PALS1: variants seen among roughly 807,000 people sequenced by gnomAD.
The protein encoded by PALS1 is protein associated with LIN7 1, MAGUK p55 family member.
PALS1 carries 31 observed loss-of-function variants against 78.9 expected under a neutral mutation model. The observed-to-expected ratio is 0.39, with a 90% confidence interval of 0.30 to 0.53. The LOEUF (loss-of-function observed/expected upper bound fraction) is 0.53, where lower values mean the gene tolerates loss of function less well. Ranked by LOEUF, PALS1 falls within the 20% of genes least tolerant of loss-of-function variation. PALS1 has a pLI of 0.67. For missense variants in PALS1, 704 were observed against 826.5 expected (o/e 0.85, Z 1.82); for synonymous variants, 276 against 270.9 (o/e 1.02, Z -0.18).
chr14:67,292,825 A>G (rs2084795406), intron 4 of PALS1, 106 bp downstream of exon 4: 1 of 776,722 alleles, frequency 1.3e-6, no homozygotes. Flanking sequence ...GTTTGAATTA[A>G]TTACTGTTAA....
At chr14:67,300,419 C>T (rs753489405) in intron 4 of PALS1, among the ~76,000 whole-genome samples, 2 of 151,338 alleles carry the variant, frequency 1.3e-5, no homozygotes, top group African/African-American at 2.4e-5. Context: ...CCTCTACCTC[C>T]TGGGTTCAAG....
At chr14:67,286,969 G>A (rs1168449653) in intron 3 of PALS1, among the ~76,000 whole-genome samples, 6 of 152,026 alleles carry the variant, frequency 3.9e-5, no homozygotes, top group African/African-American at 1.4e-4. Flanking sequence ...TGTAATCTCA[G>A]CACTTTGGGA....
chr14:67,323,451 C>T (rs1417077759), intron 13 of PALS1, among the ~76,000 whole-genome samples: 1 of 151,380 alleles, frequency 6.6e-6, no homozygotes. Context: ...CCTGTCTCTA[C>T]AAAAAAGTAA....
At chr14:67,260,037 ACTATTACT>A (rs1157808643) in intron 1 of PALS1, among the ~76,000 whole-genome samples, 1 of 152,206 alleles carries the variant, frequency 6.6e-6, no homozygotes, top group Non-Finnish European at 1.5e-5. Context: ...TTAAACAGAA[ACTATTACT>A]CTTCCTCATT....
intron 4 of PALS1, among the ~76,000 whole-genome samples, chr14:67,299,144 A>G (rs1372650054): frequency 1.3e-5 from 2 of 152,222 alleles, no homozygotes; most frequent in Non-Finnish European, 2.9e-5. Context: ...TTGCATGTAC[A>G]TAGTGACTAA....
At chr14:67,257,994 A>G (rs2140485232) in intron 1 of PALS1, among the ~76,000 whole-genome samples, 1 of 152,252 alleles carries the variant, frequency 6.6e-6, no homozygotes, top group East Asian at 1.9e-4. Flanking sequence ...TTCGATTGTC[A>G]TTGAATAATT....
rs1415741523 is a variant in PALS1 at position 67,292,497 on chromosome 14, T to C, written c.368-14T>C. ...AAACAGTTAATTTTTGGATACCTTT[T>C]CTTCTTCTACTAGAAATAGAAGACT... is the stretch of plus-strand genomic sequence containing the variant. On this transcript the variant is annotated splice_polypyrimidine_tract_variant and intron_variant, in intron 3 of 14. Transcript: ENST00000261681. 1.2e-5 allele frequency: 18 copies of C among 1,559,674 alleles called. No individual in the cohort carries two copies. Among genetic ancestry groups the C allele is most frequent in the Non-Finnish European group, 1.5e-5 (17 of 1,133,310 alleles).
chr14:67,269,104 A>G (rs1255210196), intron 1 of PALS1, among the ~76,000 whole-genome samples: 7 of 152,166 alleles, frequency 4.6e-5, no homozygotes, highest in Non-Finnish European at 1.0e-4. Flanking sequence ...TGGATATTTC[A>G]TAAATAGAAT....
chr14:67,312,384 C>G (rs891027453), intron 8 of PALS1, 143 bp from the exon 9 acceptor site: 12 of 536,908 alleles, frequency 2.2e-5, no homozygotes, highest in Non-Finnish European at 3.6e-5. Flanking sequence ...TTGAGATTAT[C>G]CTGGACAACA....
chr14:67,302,096 A>G lies in PALS1; in HGVS notation c.779A>G (p.Glu260Gly), dbSNP rs1312853188. 1 of 1,605,930 alleles carries G rather than the reference A, an allele frequency of 6.2e-7. No individual in the cohort carries two copies. The highest frequency in any genetic ancestry group is 2.3e-5 in the East Asian group (1 of 44,266). The part of the protein sequence containing the change: ...GGETVKIVRI[E>G]KARDIPLGAT... ...GAAACTGTAAAAATAGTTCGTATAG[A>G]AAAGGCTCGTGATATTCCGTTGGTA... The change falls in exon 6 of 15, where the codon GAA becomes GGA. Residue 260 changes from glutamate to glycine, a missense_variant. Coordinates refer to ENST00000261681, the MANE Select transcript of PALS1 (RefSeq NM_022474.4).
intron 2 of PALS1, among the ~76,000 whole-genome samples, chr14:67,275,152 C>T (rs1436089060): frequency 1.3e-5 from 2 of 152,202 alleles, no homozygotes; most frequent in African/African-American, 2.4e-5. Flanking sequence ...ACTTCCAACA[C>T]TGTGTTGAAT....
At position 67,280,581 on chromosome 14, in the gene PALS1, A is replaced by G. The variant is rs796658517; in HGVS notation, c.367+1044A>G. Among the ~76,000 whole-genome samples, 17 of 152,296 alleles carry G rather than the reference A, an allele frequency of 1.1e-4. 2 individuals are homozygous for G. Among genetic ancestry groups the G allele is most frequent in the African/African-American group, 3.4e-4 (14 of 41,554 alleles). On this transcript the variant is annotated intron_variant, in intron 3 of 14. Transcript: ENST00000261681. The stretch of plus-strand genomic sequence containing the variant: ...GTTAAACAACTTTTTAAAGACACCA[A>G]TGGTAGAGCCAAGTTTGAATTTGCC...
chr14:67,278,435 C>G (rs1480940501), intron 2 of PALS1, among the ~76,000 whole-genome samples: 1 of 151,746 alleles, frequency 6.6e-6, no homozygotes, highest in Non-Finnish European at 1.5e-5. Context: ...GCCTCAGCTG[C>G]TAATTGAAGT....
chr14:67,328,732 G>C (rs1445008324), intron 14 of PALS1, among the ~76,000 whole-genome samples: 2 of 152,144 alleles, frequency 1.3e-5, no homozygotes, highest in Non-Finnish European at 2.9e-5. Context: ...TATTAAATAG[G>C]GCATCCTTTC....
At chr14:67,278,956 T>C in intron 2 of PALS1, 62 bp from the exon 3 acceptor site, 1 of 425,412 alleles carries the variant, frequency 2.4e-6, no homozygotes, top group East Asian at 3.9e-5. Flanking sequence ...AAGTGGGCTC[T>C]GTAAAAACCT....
chr14:67,329,480 G>A (rs1446511771), intron 14 of PALS1, among the ~76,000 whole-genome samples: 2 of 152,080 alleles, frequency 1.3e-5, no homozygotes, highest in African/African-American at 4.8e-5. Flanking sequence ...TCTTTCTCCT[G>A]CCTGATTGCC....
At position 67,302,081 on chromosome 14, in the gene PALS1, A is replaced by G; in HGVS notation, c.764A>G (p.Lys255Arg). Residue 255 changes from lysine (K) to arginine (R), a missense_variant, in exon 6 of 15, where the codon AAA becomes AGA. Transcript: ENST00000261681. Reference protein sequence around the residue: ...SIGQYGGETVKIVRIEKARDI... With the variant: ...SIGQYGGETVRIVRIEKARDI... ...GGCCAGTATGGAGGAGAAACTGTAA[A>G]AATAGTTCGTATAGAAAAGGCTCGT... The G allele has an allele frequency of 1.2e-6, 2 of 1,608,338 alleles. No homozygotes were observed. Among genetic ancestry groups the G allele is most frequent in the Non-Finnish European group, 1.7e-6 (2 of 1,177,344 alleles).
intron 8 of PALS1, 22 bp from the exon 9 acceptor site, chr14:67,312,505 T>C: frequency 6.7e-7 from 1 of 1,498,420 alleles, no homozygotes; most frequent in Non-Finnish European, 9.0e-7. Context: ...TTATTGTTGT[T>C]TTTGCCCTTT....
intron 9 of PALS1, among the ~76,000 whole-genome samples, chr14:67,313,369 C>T (rs1227811674): frequency 1.3e-5 from 2 of 152,170 alleles, no homozygotes; most frequent in Non-Finnish European, 2.9e-5. Context: ...AGTGTATTTA[C>T]ACAAACCTAG....
Sources: allele counts gnomAD v4.1 joint callset (sites outside exome capture counted in the v4.1 genomes callset), GRCh38; gene constraint gnomAD v4.1.1; transcripts MANE v1.5; gene names NCBI Gene and HGNC (gene_info 2026-07-23, HGNC 2026-07-21).